The following GABBR2 variants were observed in gnomAD, a reference collection of about 807,000 sequenced individuals.
GABBR2 encodes the protein G-protein coupled receptor 51.
In GABBR2, 23 loss-of-function variants were observed where a neutral mutation model predicts 105.6. That is an observed-to-expected ratio of 0.22 (90% CI 0.16 to 0.31). The LOEUF (loss-of-function observed/expected upper bound fraction) is 0.31, where lower values mean the gene tolerates loss of function less well. Among genes scored for constraint, GABBR2 ranks in the 10% least tolerant of loss-of-function variants. The probability of loss-of-function intolerance (pLI) is 1.00; values close to 1 mark genes in which losing one functional copy is unlikely to be tolerated. For synonymous variants in GABBR2, 478 were observed against 499.7 expected (o/e 0.96, Z 0.58); for missense variants, 734 against 1,245.5 (o/e 0.59, Z 6.18).
intron 13 of GABBR2, among the ~76,000 whole-genome samples, chr9:98,344,321 G>GC (rs1831268022): frequency 6.6e-6 from 1 of 152,160 alleles, no homozygotes; most frequent in African/African-American, 2.4e-5. Flanking sequence ...TCAAAAAAGA[G>GC]AGCTATTTTC....
At chr9:98,513,850 G>A (rs1226091594) in intron 3 of GABBR2, among the ~76,000 whole-genome samples, 3 of 152,148 alleles carry the variant, frequency 2.0e-5, no homozygotes, top group South Asian at 2.1e-4. Flanking sequence ...TCAGTGCGGC[G>A]ATTCCTCAGG....
chr9:98,332,609 C>G (rs1334957816), intron 13 of GABBR2, among the ~76,000 whole-genome samples: 1 of 152,232 alleles, frequency 6.6e-6, no homozygotes. Flanking sequence ...CCAAAGCACA[C>G]AGTGCAGGGG....
chr9:98,583,149 C>T (rs1440811841), intron 1 of GABBR2, among the ~76,000 whole-genome samples: 1 of 152,212 alleles, frequency 6.6e-6, no homozygotes, highest in Non-Finnish European at 1.5e-5. Context: ...AAGCATGCTT[C>T]CCTGGCTCCC....
At chr9:98,658,546 G>A (rs958279794) in intron 1 of GABBR2, among the ~76,000 whole-genome samples, 3 of 152,068 alleles carry the variant, frequency 2.0e-5, no homozygotes, top group Admixed American at 1.3e-4. Flanking sequence ...CCCATCCACC[G>A]CTCTGTCAAC....
chr9:98,345,430 ATCAAAACTAT>A (rs1379621020), intron 13 of GABBR2, among the ~76,000 whole-genome samples: 1 of 152,226 alleles, frequency 6.6e-6, no homozygotes, highest in African/African-American at 2.4e-5. Context: ...AGTTTTGGCC[ATCAAAACTAT>A]TCAAAACTAT....
At chr9:98,578,796 G>A (rs1828958059) in intron 1 of GABBR2, among the ~76,000 whole-genome samples, 1 of 152,164 alleles carries the variant, frequency 6.6e-6, no homozygotes, top group Non-Finnish European at 1.5e-5. Context: ...AAGGAAATTC[G>A]GACACACGCT....
chr9:98,547,250 TA>T (rs567256306), intron 2 of GABBR2, among the ~76,000 whole-genome samples: 3 of 114,484 alleles, frequency 2.6e-5, no homozygotes, highest in Non-Finnish European at 5.8e-5. Flanking sequence ...TCCAACTCAG[TA>T]AAAAAAAACC....
chr9:98,494,586 G>A (rs1295078447), intron 4 of GABBR2, among the ~76,000 whole-genome samples: 1 of 152,150 alleles, frequency 6.6e-6, no homozygotes, highest in Non-Finnish European at 1.5e-5. Context: ...TTTTTCAGCT[G>A]GGTGTCTTGG....
chr9:98,683,139 G>A (rs1397890618), intron 1 of GABBR2, among the ~76,000 whole-genome samples: 2 of 151,844 alleles, frequency 1.3e-5, no homozygotes, highest in African/African-American at 4.8e-5. Flanking sequence ...TATCGCCTAG[G>A]CTAGAGTGCA....
At chr9:98,653,139 G>T (rs10119594) in intron 1 of GABBR2, among the ~76,000 whole-genome samples, 15,140 of 152,264 alleles carry the variant, frequency 0.099, 1,261 homozygotes, top group African/African-American at 0.22. Context: ...TAGGATTACA[G>T]GCATATGCCC....
chr9:98,569,313 G>A (rs201871817), intron 2 of GABBR2, among the ~76,000 whole-genome samples: 72 of 152,268 alleles, frequency 4.7e-4, no homozygotes, highest in East Asian at 4.5e-3. Context: ...TGGGGGCTGA[G>A]AGGCAGACGT....
At chr9:98,648,195 G>A (rs1011552451) in intron 1 of GABBR2, among the ~76,000 whole-genome samples, 23 of 150,666 alleles carry the variant, frequency 1.5e-4, no homozygotes, top group East Asian at 3.9e-4. Flanking sequence ...ACAGTGGCGC[G>A]ATCTCGGCTC....
intron 1 of GABBR2, among the ~76,000 whole-genome samples, chr9:98,679,329 T>C (rs996773771): frequency 6.6e-6 from 1 of 152,246 alleles, no homozygotes; most frequent in Admixed American, 6.5e-5. Context: ...GAGAATGCTC[T>C]ATAAGGCAGC....
intron 3 of GABBR2, among the ~76,000 whole-genome samples, chr9:98,511,699 T>C (rs143322871): frequency 0.34 from 52,383 of 151,864 alleles, 9,292 homozygotes; most frequent in Middle Eastern, 0.5. Flanking sequence ...CTCCCAAGAC[T>C]AAACCAGGAA....
chr9:98,396,040 G>C (rs1429369133), intron 8 of GABBR2, among the ~76,000 whole-genome samples: 10 of 152,158 alleles, frequency 6.6e-5, no homozygotes, highest in African/African-American at 2.4e-4. Context: ...GGGCCCCAGT[G>C]GTAATAAGAA....
intron 1 of GABBR2, among the ~76,000 whole-genome samples, chr9:98,693,365 G>A (rs1830709052): frequency 6.6e-6 from 1 of 152,224 alleles, no homozygotes; most frequent in Non-Finnish European, 1.5e-5. Flanking sequence ...GCCCCTCCAT[G>A]TCCTCAGGTG....
At chr9:98,336,203 C>T (rs527721816) in intron 13 of GABBR2, among the ~76,000 whole-genome samples, 12 of 151,944 alleles carry the variant, frequency 7.9e-5, no homozygotes, top group African/African-American at 2.9e-4. Context: ...TGCAAAGGCA[C>T]AAAGTTGGGA....
chr9:98,517,522 C>A (rs1827780919), intron 3 of GABBR2, among the ~76,000 whole-genome samples: 1 of 152,144 alleles, frequency 6.6e-6, no homozygotes, highest in Non-Finnish European at 1.5e-5. Context: ...TGCTGTAGAA[C>A]CCTCATAGTG....
intron 2 of GABBR2, among the ~76,000 whole-genome samples, chr9:98,573,528 C>T (rs1250073053): frequency 6.6e-6 from 1 of 152,226 alleles, no homozygotes; most frequent in East Asian, 1.9e-4. Context: ...AAGCCATCCT[C>T]CTGCCTTGGC....
Sources: allele counts gnomAD v4.1 joint callset (sites outside exome capture counted in the v4.1 genomes callset), GRCh38; gene constraint gnomAD v4.1.1; transcripts MANE v1.5; gene names NCBI Gene and HGNC (gene_info 2026-07-23, HGNC 2026-07-21).